ADRA1A: variants seen among roughly 807,000 people sequenced by gnomAD.
The protein encoded by ADRA1A is adrenoceptor alpha 1A.
ADRA1A carries 31 observed loss-of-function variants against 29.6 expected under a neutral mutation model. The ratio of observed to expected loss-of-function variants is 1.05; its 90% CI spans 0.79 to 1.41. ADRA1A has a LOEUF of 1.41. ADRA1A is among the 40% of genes most tolerant of loss of function. The probability of loss-of-function intolerance (pLI) is 0.00; values close to 1 mark genes in which losing one functional copy is unlikely to be tolerated. For missense variants in ADRA1A, 619 were observed against 601.1 expected (o/e 1.03, Z -0.31); for synonymous variants, 311 against 254.3 (o/e 1.22, Z -2.12).
chr8:26,819,556 G>A (rs1810008777), intron 2 of ADRA1A, among the ~76,000 whole-genome samples: 1 of 152,222 alleles, frequency 6.6e-6, no homozygotes, highest in Admixed American at 6.5e-5. Context: ...GCTTAAAATA[G>A]ATTGTTACAA....
chr8:26,864,468 G>A lies in ADRA1A; in HGVS notation c.502C>T (p.Pro168Ser). The change falls in exon 2 of 3, where the codon CCG becomes TCG. Residue 168 changes from proline to serine, a missense_variant. Transcript: ENST00000380573. This position sits in a 1 kb window ranked among gnomAD's most constrained non-coding sequence, Gnocchi z 8.1. The stretch of plus-strand genomic sequence containing the variant: ...CAGATGGTCTCGTCCTCGGGGGCCG[G>A]CTGCCTCCAGCCGAACAGGGGTCCA... Reference protein sequence around the residue: ...SIGPLFGWRQPAPEDETICQI... With the variant: ...SIGPLFGWRQSAPEDETICQI... 1 of 1,613,498 alleles carries A rather than the reference G, an allele frequency of 6.2e-7. No homozygotes were observed.
intron 2 of ADRA1A, among the ~76,000 whole-genome samples, chr8:26,751,069 C>A (rs1185636361): frequency 5.4e-4 from 74 of 138,298 alleles, no homozygotes; most frequent in Middle Eastern, 3.9e-3. Context: ...AACTCTGTCT[C>A]AAAAAAAAAA....
At chr8:26,863,996 C>T in intron 2 of ADRA1A, 91 bp downstream of exon 2, 2 of 1,353,500 alleles carry the variant, frequency 1.5e-6, no homozygotes, top group Non-Finnish European at 2.0e-6. Context: ...CTAATCCTTC[C>T]TCTTCCATCC....
intron 2 of ADRA1A, among the ~76,000 whole-genome samples, chr8:26,858,031 C>T (rs1204469213): frequency 1.3e-5 from 2 of 152,222 alleles, no homozygotes; most frequent in Non-Finnish European, 2.9e-5. Context: ...TTCTCTGCCT[C>T]ATTGCCTCCA....
intron 2 of ADRA1A, among the ~76,000 whole-genome samples, chr8:26,760,422 A>G (rs1805444516): frequency 6.6e-6 from 1 of 152,182 alleles, no homozygotes; most frequent in African/African-American, 2.4e-5. Context: ...GGCTGTCTAC[A>G]TCCTCATATC....
At chr8:26,809,216 A>G (rs569839469) in intron 2 of ADRA1A, among the ~76,000 whole-genome samples, 1 of 152,324 alleles carries the variant, frequency 6.6e-6, no homozygotes, top group South Asian at 2.1e-4. Context: ...ACTATTGTCC[A>G]GATATACTAT....
At chr8:26,768,656 T>C (rs993140658), downstream of ADRA1A, among the ~76,000 whole-genome samples, 2 of 152,256 alleles carry the variant, frequency 1.3e-5, no homozygotes, top group Admixed American at 6.5e-5. Flanking sequence ...GCATATGAGG[T>C]GTATATGAAA....
chr8:26,797,427 G>A (rs1188914640), intron 2 of ADRA1A, among the ~76,000 whole-genome samples: 1 of 151,938 alleles, frequency 6.6e-6, no homozygotes, highest in Admixed American at 6.6e-5. Context: ...CTCCTGAATA[G>A]CTGGGACTAT....
intron 2 of ADRA1A, among the ~76,000 whole-genome samples, chr8:26,804,614 T>A (rs561042209): frequency 5.9e-5 from 9 of 152,278 alleles, no homozygotes; most frequent in Non-Finnish European, 1.2e-4. Flanking sequence ...ATTCCATGGG[T>A]GTCAGAGTTG....
chr8:26,862,456 A>C (rs974783065), intron 2 of ADRA1A, among the ~76,000 whole-genome samples: 3 of 152,166 alleles, frequency 2.0e-5, no homozygotes, highest in African/African-American at 7.2e-5. Flanking sequence ...TACCCTTTCC[A>C]AATACAACCG....
At chr8:26,773,283 A>C (rs963531258) in intron 2 of ADRA1A, among the ~76,000 whole-genome samples, 1 of 152,252 alleles carries the variant, frequency 6.6e-6, no homozygotes, top group Non-Finnish European at 1.5e-5. Context: ...AGCTGGGGGA[A>C]GCTGAATTGG....
chr8:26,784,758 A>G (rs957985792), intron 2 of ADRA1A, among the ~76,000 whole-genome samples: 3 of 152,314 alleles, frequency 2.0e-5, no homozygotes, highest in Non-Finnish European at 4.4e-5. Context: ...TAAGGCTTAT[A>G]CTATCTAAGA....
intron 2 of ADRA1A, among the ~76,000 whole-genome samples, chr8:26,861,503 C>T (rs1220540931): frequency 6.6e-6 from 1 of 152,046 alleles, no homozygotes; most frequent in Non-Finnish European, 1.5e-5. Flanking sequence ...TTGTCAACCT[C>T]TCCATTCTTG....
rs116841753 is a variant in ADRA1A, at chr8:26,786,747, G to A, written c.884-16081C>T. Among the ~76,000 whole-genome samples, 332 of 91,844 alleles carry A rather than the reference G, an allele frequency of 3.6e-3. 1 individual carries two copies. The highest frequency in any genetic ancestry group is 0.015 in the African/African-American group (316 of 20,744). The allele number at this position is 91,844 out of a possible 152,430, so 60.3% of individuals were successfully genotyped here. Reference sequence around the variant, plus strand: ...TACCTCAGACTCCATGCTGGGTTGGGGGGGGGGGTCTCTCATTAAATGTTA... The same window carrying A: ...TACCTCAGACTCCATGCTGGGTTGGAGGGGGGGGTCTCTCATTAAATGTTA... On this transcript the variant is annotated intron_variant, in intron 2 of 2. Coordinates refer to ENST00000380573, the MANE Select transcript of ADRA1A (RefSeq NM_000680.4).
chr8:26,780,374 T>A (rs1447586163), intron 2 of ADRA1A, among the ~76,000 whole-genome samples: 3 of 152,164 alleles, frequency 2.0e-5, no homozygotes, highest in Non-Finnish European at 2.9e-5. Context: ...AGTAGACTTT[T>A]CACTCTAACT....
rs1813806397 is a variant in ADRA1A, at chr8:26,865,041, CG to C, written c.-73del. The C allele has an allele frequency of 6.6e-7, 1 of 1,517,166 alleles. No individual in the cohort carries two copies. Among genetic ancestry groups the C allele is most frequent in the African/African-American group, 1.4e-5 (1 of 71,990 alleles). The allele number at this position is 1,517,166 out of a possible 1,614,324, so 94.0% of individuals were successfully genotyped here. A position where few individuals can be genotyped will look rare whatever the true frequency, so the allele number is the denominator to read the frequency against. On this transcript the variant is annotated 5_prime_UTR_variant, in exon 2 of 3. Transcript: ENST00000380573. The surrounding 1 kb of genome is among the most constrained non-coding windows in gnomAD (Gnocchi z 7.6). ...CCGGGCTGGCGCGGAGGCGGGAGCG[CG>C]GGAGCCGGGAATCAAAAGGTCTCGG...
intron 2 of ADRA1A, among the ~76,000 whole-genome samples, chr8:26,786,115 A>G (rs960871613): frequency 6.6e-6 from 1 of 152,098 alleles, no homozygotes; most frequent in Non-Finnish European, 1.5e-5. Context: ...ATGAAGCCCA[A>G]CGTCCATAGC....
At chr8:26,824,993 G>C (rs558622776) in intron 2 of ADRA1A, among the ~76,000 whole-genome samples, 1 of 152,018 alleles carries the variant, frequency 6.6e-6, no homozygotes, top group African/African-American at 2.4e-5. Context: ...TGATGGCATC[G>C]TAGTTCTTCT....
At chr8:26,814,716 C>T (rs1418809106) in intron 2 of ADRA1A, among the ~76,000 whole-genome samples, 5 of 152,150 alleles carry the variant, frequency 3.3e-5, no homozygotes, top group Non-Finnish European at 7.3e-5. Context: ...AGAGAGATGT[C>T]TAGATTTGTG....
Sources: gnomAD v4.1 joint callset for allele counts (sites outside exome capture counted in the v4.1 genomes callset) on GRCh38, gnomAD v4.1.1 for gene constraint, Gnocchi (gnomAD v3.1) non-coding constraint, MANE v1.5 for transcripts, NCBI Gene and HGNC (gene_info 2026-07-23, HGNC 2026-07-21) for gene names.